The following TRPC7 variants were observed in gnomAD, a reference collection of about 807,000 sequenced individuals.
TRPC7 encodes transient receptor potential cation channel subfamily C member 7, also known as short transient receptor potential channel 7.
Under a neutral mutation model 90.1 loss-of-function variants are expected in TRPC7, and 42 were observed. The ratio of observed to expected loss-of-function variants is 0.47; its 90% CI spans 0.36 to 0.60. The LOEUF (loss-of-function observed/expected upper bound fraction) is 0.60, where lower values mean the gene tolerates loss of function less well. Ranked by LOEUF, TRPC7 falls within the 20% of genes least tolerant of loss-of-function variation. The pLI, the probability that TRPC7 is intolerant of heterozygous loss-of-function variation, is 0.00. For missense variants in TRPC7, 955 were observed against 1,112.3 expected, an observed-to-expected ratio of 0.86 and a Z score of 2.01; for synonymous variants, 451 against 436.3, an observed-to-expected ratio of 1.03 and a Z score of -0.42.
chr5:136,341,537 T>C (rs1302995481), intron 2 of TRPC7, among the ~76,000 whole-genome samples: 9 of 152,070 alleles, frequency 5.9e-5, no homozygotes, highest in Non-Finnish European at 1.5e-5. Context: ...AAATAAATTA[T>C]TAATAAGGCT....
chr5:136,250,735 ATC>A (rs1415906706), intron 6 of TRPC7, among the ~76,000 whole-genome samples: 1 of 152,230 alleles, frequency 6.6e-6, no homozygotes, highest in African/African-American at 2.4e-5. Flanking sequence ...AGGTATTATT[ATC>A]TCTGTTTTAC....
intron 1 of TRPC7, among the ~76,000 whole-genome samples, chr5:136,363,296 A>C (rs1237022955): frequency 6.6e-6 from 1 of 152,104 alleles, no homozygotes; most frequent in African/African-American, 2.4e-5. Flanking sequence ...TTTTCTGTTG[A>C]AATTGAGGTG....
At chr5:136,231,315 G>C (rs370145563) in intron 8 of TRPC7, 39 bp downstream of exon 8, 2 of 1,526,714 alleles carry the variant, frequency 1.3e-6, no homozygotes, top group African/African-American at 2.8e-5. Context: ...ATGTAAATTA[G>C]ATGAAGGAGA....
At chr5:136,295,513 A>T (rs1302568431) in intron 3 of TRPC7, among the ~76,000 whole-genome samples, 1 of 152,034 alleles carries the variant, frequency 6.6e-6, no homozygotes, top group East Asian at 1.9e-4. Flanking sequence ...TAGCCCCAAT[A>T]GTCCCCAGTG....
At chr5:136,350,366 C>G (rs1413570633) in intron 2 of TRPC7, among the ~76,000 whole-genome samples, 1 of 152,178 alleles carries the variant, frequency 6.6e-6, no homozygotes, top group South Asian at 2.1e-4. Flanking sequence ...CCCCTCTGCA[C>G]TTGTCTCTTT....
chr5:136,262,577 TG>T (rs1346609568), intron 5 of TRPC7, among the ~76,000 whole-genome samples: 4 of 152,206 alleles, frequency 2.6e-5, no homozygotes, highest in Non-Finnish European at 4.4e-5. Context: ...GCTGGATATT[TG>T]AAGATACTAA....
At position 136,302,104 on chromosome 5, in the gene TRPC7, T is replaced by C. The variant is rs575993228; in HGVS notation, c.963+13493A>G. ...CTTAATTTCAATTCCTTTCATTTTC[T>C]GGTAGAGACAAAGGAGACATGTTTT... is the stretch of plus-strand genomic sequence containing the variant. On this transcript the variant is annotated intron_variant, in intron 3 of 11. Transcript: ENST00000513104. Among the ~76,000 whole-genome samples, 17 of 152,360 alleles carry C rather than the reference T, an allele frequency of 1.1e-4. 1 individual carries two copies. The South Asian group carries it at 3.5e-3, about 32-fold the overall frequency.
chr5:136,232,852 G>C (rs912329661), intron 7 of TRPC7, among the ~76,000 whole-genome samples: 8 of 152,008 alleles, frequency 5.3e-5, no homozygotes, highest in African/African-American at 1.9e-4. Flanking sequence ...TGGTACCACT[G>C]TAAGAAAGCA....
At chr5:136,326,403 C>T (rs1043638480) in intron 2 of TRPC7, among the ~76,000 whole-genome samples, 3 of 152,102 alleles carry the variant, frequency 2.0e-5, no homozygotes, top group Non-Finnish European at 2.9e-5. Flanking sequence ...GGATGCTATT[C>T]GGTGGGTGCA....
intron 7 of TRPC7, among the ~76,000 whole-genome samples, chr5:136,238,131 G>C (rs555128518): frequency 1.3e-5 from 2 of 152,276 alleles, no homozygotes; most frequent in Admixed American, 1.3e-4. Context: ...GAGGCTTCAG[G>C]CTCAGTCAGC....
At chr5:136,339,458 T>G (rs1404485821) in intron 2 of TRPC7, among the ~76,000 whole-genome samples, 1 of 152,224 alleles carries the variant, frequency 6.6e-6, no homozygotes, top group Admixed American at 6.5e-5. Context: ...TCAGGTGTCA[T>G]GTAACTGGAG....
At chr5:136,269,857 G>T (rs1757152753) in intron 4 of TRPC7, among the ~76,000 whole-genome samples, 1 of 152,116 alleles carries the variant, frequency 6.6e-6, no homozygotes. Flanking sequence ...TGGTGTTACT[G>T]GGTGCCTGTA....
chr5:136,239,447 G>A (rs772861100), intron 7 of TRPC7, among the ~76,000 whole-genome samples: 1 of 152,264 alleles, frequency 6.6e-6, no homozygotes, highest in Non-Finnish European at 1.5e-5. Flanking sequence ...ACAAAGCCCA[G>A]TAGGCTGATG....
intron 3 of TRPC7, among the ~76,000 whole-genome samples, chr5:136,310,508 C>G (rs1187528967): frequency 6.6e-6 from 1 of 152,104 alleles, no homozygotes; most frequent in African/African-American, 2.4e-5. Context: ...CTGGCAGAGC[C>G]AGGAAAAGTC....
intron 3 of TRPC7, among the ~76,000 whole-genome samples, chr5:136,304,985 A>T (rs932008697): frequency 2.0e-5 from 3 of 152,200 alleles, no homozygotes; most frequent in Non-Finnish European, 2.9e-5. Context: ...TAATACTTTT[A>T]GAGGCCCTAA....
chr5:136,275,150 G>C (rs1330948496), intron 3 of TRPC7, among the ~76,000 whole-genome samples: 1 of 152,168 alleles, frequency 6.6e-6, no homozygotes, highest in East Asian at 1.9e-4. Context: ...TTCAATTCAG[G>C]CTGTTCAGCT....
chr5:136,254,791 T>G (rs1756639785), intron 5 of TRPC7, among the ~76,000 whole-genome samples: 1 of 152,214 alleles, frequency 6.6e-6, no homozygotes, highest in Non-Finnish European at 1.5e-5. Context: ...TTCTGATGGA[T>G]CTGGGCAAAG....
At chr5:136,271,609 C>T (rs1757214419) in intron 4 of TRPC7, among the ~76,000 whole-genome samples, 1 of 152,194 alleles carries the variant, frequency 6.6e-6, no homozygotes, top group African/African-American at 2.4e-5. Context: ...AACTGCTGTG[C>T]ATCCATAGGG....
intron 2 of TRPC7, among the ~76,000 whole-genome samples, chr5:136,335,592 C>T (rs1759628331): frequency 6.6e-6 from 1 of 151,900 alleles, no homozygotes; most frequent in African/African-American, 2.4e-5. Flanking sequence ...GATGCCAAAC[C>T]ATCATTCCCT....
Sources: allele counts gnomAD v4.1 joint callset (sites outside exome capture counted in the v4.1 genomes callset), GRCh38; gene constraint gnomAD v4.1.1; transcripts MANE v1.5; gene names NCBI Gene and HGNC (gene_info 2026-07-23, HGNC 2026-07-21).